DIP2A: variants seen among roughly 807,000 people sequenced by gnomAD.
DIP2A encodes the protein disco-interacting protein 2 homolog A.
Under a neutral mutation model 177.4 loss-of-function variants are expected in DIP2A, and 85 were observed. That is an observed-to-expected ratio of 0.48 (90% CI 0.40 to 0.57). DIP2A has a LOEUF of 0.57. DIP2A is among the 20% of genes least tolerant of loss of function. The pLI is 0.00. For synonymous variants in DIP2A, 886 were observed against 881.8 expected (o/e 1.00, Z -0.08); for missense variants, 1,791 against 2,100.2 (o/e 0.85, Z 2.88).
At chr21:46,521,082 T>C (rs897845012) in intron 8 of DIP2A, among the ~76,000 whole-genome samples, 23 of 152,218 alleles carry the variant, frequency 1.5e-4, no homozygotes, top group African/African-American at 5.5e-4. Flanking sequence ...GGCAAAATCC[T>C]TTACTCATTA....
At chr21:46,514,238 T>C (rs546715704) in intron 8 of DIP2A, among the ~76,000 whole-genome samples, 3 of 152,164 alleles carry the variant, frequency 2.0e-5, no homozygotes, top group African/African-American at 4.8e-5. Context: ...ATCAAGACTT[T>C]CCTGGCTAAC....
At chr21:46,560,905 C>A in intron 33 of DIP2A, 122 bp downstream of exon 33, 1 of 1,491,144 alleles carries the variant, frequency 6.7e-7, no homozygotes. Flanking sequence ...CCAAGTCAGG[C>A]CTACCGGGAC....
At chr21:46,517,046 T>C (rs1350053323) in intron 8 of DIP2A, among the ~76,000 whole-genome samples, 2 of 146,040 alleles carry the variant, frequency 1.4e-5, no homozygotes, top group East Asian at 4.0e-4. Context: ...TGTCTGTGTT[T>C]TCTCTCTCTT....
intron 8 of DIP2A, among the ~76,000 whole-genome samples, chr21:46,515,458 T>A (rs557470872): frequency 6.6e-6 from 1 of 151,854 alleles, no homozygotes; most frequent in Admixed American, 6.6e-5. Context: ...TCCTCTTTTT[T>A]TTTTTTTATA....
chr21:46,530,267 G>A (rs1020198358), intron 9 of DIP2A, among the ~76,000 whole-genome samples: 1 of 152,194 alleles, frequency 6.6e-6, no homozygotes, highest in African/African-American at 2.4e-5. Context: ...GGAAACTGCA[G>A]GTTAACAAGC....
intron 1 of DIP2A, among the ~76,000 whole-genome samples, chr21:46,464,820 T>TC (rs1180661817): frequency 1.3e-3 from 43 of 34,200 alleles, no homozygotes; most frequent in African/African-American, 7.0e-3. Context: ...TTCATGTCTT[T>TC]TTTTTTTTTT....
chr21:46,509,744 CAT>C (rs2058212504), intron 7 of DIP2A, among the ~76,000 whole-genome samples: 2 of 152,150 alleles, frequency 1.3e-5, no homozygotes, highest in South Asian at 4.1e-4. Context: ...TTTAGCCTCT[CAT>C]ATGTGAATGA....
At chr21:46,463,680 T>TTGTGTGTGTGTGTGTGTGTGTG (rs5844275) in intron 1 of DIP2A, among the ~76,000 whole-genome samples, 1,449 of 130,930 alleles carry the variant, frequency 0.011, 14 homozygotes, top group Non-Finnish European at 0.016. Flanking sequence ...TGGGATATAT[T>TTGTGTGTGTGTGTGTGTGTGTG]TGTGTGTGTG....
chr21:46,555,943 G>C (rs774744457), intron 28 of DIP2A, 39 bp from the exon 29 acceptor site: 1 of 1,468,612 alleles, frequency 6.8e-7, no homozygotes, highest in African/African-American at 1.4e-5. Context: ...CAGAATACAT[G>C]TGGGAACACT....
rs371080400 is a variant in DIP2A, at chr21:46,511,603, C to A, written c.1091C>A (p.Thr364Asn). 1 of 1,542,270 alleles carries A rather than the reference C, an allele frequency of 6.5e-7. No homozygotes were observed. Among genetic ancestry groups the A allele is most frequent in the South Asian group, 1.3e-5 (1 of 79,482 alleles). Reference protein sequence around the residue: ...ALDTTGKAVYTLTYGKLWSRS... With the variant: ...ALDTTGKAVYNLTYGKLWSRS... Reference sequence around the variant, plus strand: ...GATACAACTGGGAAAGCCGTCTACACTCTCACCTATGGCAAGTGTTAACAG... The same window carrying A: ...GATACAACTGGGAAAGCCGTCTACAATCTCACCTATGGCAAGTGTTAACAG... The change falls in exon 8 of 38, where the codon ACT (threonine) becomes AAT (asparagine). Residue 364 changes from threonine (T) to asparagine (N), a missense_variant. By Grantham distance (65) the Thr-to-Asn change is moderately conservative. Transcript: ENST00000417564.
At chr21:46,513,397 T>C (rs1477388123) in intron 8 of DIP2A, among the ~76,000 whole-genome samples, 1 of 152,102 alleles carries the variant, frequency 6.6e-6, no homozygotes, top group Non-Finnish European at 1.5e-5. Context: ...CTTTGTTATA[T>C]AGTGGGTGAA....
intron 8 of DIP2A, among the ~76,000 whole-genome samples, chr21:46,519,955 A>G (rs965804620): frequency 7.5e-6 from 1 of 133,932 alleles, no homozygotes; most frequent in Non-Finnish European, 1.5e-5. Context: ...GCTCACTGCA[A>G]GCTCCGCCTC....
intron 3 of DIP2A, among the ~76,000 whole-genome samples, chr21:46,494,683 A>G (rs1414593045): frequency 2.0e-5 from 3 of 152,152 alleles, no homozygotes; most frequent in East Asian, 1.9e-4. Context: ...GCCTCCTCCA[A>G]TGGCAACCAA....
chr21:46,549,919 A>C, intron 22 of DIP2A, 34 bp downstream of exon 22: 1 of 1,605,648 alleles, frequency 6.2e-7, no homozygotes, highest in Non-Finnish European at 8.5e-7. Flanking sequence ...GGTTCGGTGA[A>C]TCTCCCAAGC....
intron 16 of DIP2A, chr21:46,539,073 G>A: frequency 5.4e-6 from 1 of 185,384 alleles, no homozygotes; most frequent in East Asian, 1.6e-4. Context: ...TGACCACGTA[G>A]GGCCTCCTGC....
chr21:46,533,866 A>G, intron 11 of DIP2A, 138 bp from the exon 12 acceptor site: 1 of 962,388 alleles, frequency 1.0e-6, no homozygotes, highest in Admixed American at 2.6e-5. Context: ...TTTAAATTAT[A>G]TAAAATGAAA....
chr21:46,579,232 A>G, the DIP2A span, among the ~76,000 whole-genome samples: 4 of 152,144 alleles, frequency 2.6e-5, no homozygotes, highest in East Asian at 7.7e-4. Flanking sequence ...TACATTTTCT[A>G]GTTCATGTGC....
rs34510208 is a variant in DIP2A at position 46,513,106 on chromosome 21, G to GTT, written c.1102+1500_1102+1501dup. Among the ~76,000 whole-genome samples, 250 of 150,040 alleles carry GTT rather than the reference G, an allele frequency of 1.7e-3. 2 individuals carry two copies. In the East Asian group the frequency reaches 0.036, roughly 21 times the overall value. On this transcript the variant is annotated intron_variant, in intron 8 of 37. Coordinates refer to ENST00000417564, the MANE Select transcript of DIP2A (RefSeq NM_015151.4). The stretch of plus-strand genomic sequence containing the variant: ...CTTAATGTAATCTAACTTACATGTT[G>GTT]TTTTTTTTTCCTGTATTGTAGCTAA...
intron 2 of DIP2A, among the ~76,000 whole-genome samples, chr21:46,486,016 A>T (rs946138135): frequency 2.8e-5 from 4 of 140,912 alleles, no homozygotes; most frequent in Non-Finnish European, 6.1e-5. Flanking sequence ...GGTTGCAGTG[A>T]GCCGAGATTG....
Sources: allele counts gnomAD v4.1 joint callset (sites outside exome capture counted in the v4.1 genomes callset), GRCh38; gene constraint gnomAD v4.1.1; transcripts MANE v1.5; gene names NCBI Gene and HGNC (gene_info 2026-07-23, HGNC 2026-07-21).